Variants in AHDC1 observed in about 807,000 individuals in gnomAD.
The protein encoded by AHDC1 is transcription factor Gibbin.
In AHDC1, 7 loss-of-function variants were observed where a neutral mutation model predicts 87.9. That is an observed-to-expected ratio of 0.08 (90% confidence interval 0.05 to 0.15). The LOEUF (loss-of-function observed/expected upper bound fraction) is 0.15, where lower values mean the gene tolerates loss of function less well. Ranked by LOEUF, AHDC1 falls within the 10% of genes least tolerant of loss-of-function variation. The pLI, the probability that AHDC1 is intolerant of heterozygous loss-of-function variation, is 1.00. For synonymous variants in AHDC1, 1,051 were observed against 1,006.8 expected (o/e 1.04, Z -0.83); for missense variants, 1,841 against 2,253.2 (o/e 0.82, Z 3.70).
In AHDC1 at chr1:27,548,953, G is replaced by A. The variant is rs1230993429; in HGVS notation, c.3163C>T (p.Arg1055Cys). ...ACTGTGCTGGCCCGGCTGTCACAGC[G>A]CAGGGGCGTGGGGGCTGAACCAGAG... is the stretch of plus-strand genomic sequence containing the variant. ...PFSGSAPTPLRCDSRASTVSP... is the reference protein window; with the variant it reads ...PFSGSAPTPLCCDSRASTVSP... Residue 1055 changes from arginine to cysteine, a missense_variant, in exon 8 of 9, where the codon CGC (arginine) becomes TGC (cysteine). By Grantham distance (180) the Arg-to-Cys change is radical (BLOSUM62 -3). Coordinates refer to ENST00000673934, the MANE Select transcript of AHDC1 (RefSeq NM_001371928.1). 12 of 1,578,696 alleles carry A rather than the reference G, an allele frequency of 7.6e-6. No individual in the cohort carries two copies. The highest frequency in any genetic ancestry group is 5.4e-5 in the Admixed American group (3 of 55,336).
chr1:27,559,651 G>A (rs924543531), intron 3 of AHDC1, among the ~76,000 whole-genome samples: 59 of 152,246 alleles, frequency 3.9e-4, no homozygotes, highest in South Asian at 2.1e-4. Flanking sequence ...GAGAGGTGCT[G>A]TTCAGAGTGA....
intron 3 of AHDC1, among the ~76,000 whole-genome samples, chr1:27,567,318 G>A (rs535547562): frequency 2.0e-5 from 3 of 152,142 alleles, no homozygotes; most frequent in East Asian, 1.9e-4. Context: ...AGCGCGGGGC[G>A]CCCGCTCCTC....
chr1:27,584,968 T>G (rs563873125), intron 3 of AHDC1, among the ~76,000 whole-genome samples: 1 of 151,606 alleles, frequency 6.6e-6, no homozygotes, highest in Non-Finnish European at 1.5e-5. Context: ...AGGTCAGGAG[T>G]TCGAGACCAG....
At position 27,578,720 on chromosome 1, in the gene AHDC1, G is replaced by A. The variant is rs1196661337; in HGVS notation, c.-628-19837C>T. Among the ~76,000 whole-genome samples the A allele has an allele frequency of 6.8e-5, 10 of 148,014 alleles. No individual in the cohort carries two copies. The East Asian group carries it at 7.8e-4, about 12-fold the overall frequency. ...GGCTTCTCTTTTTTTTTTTTGACACGGAGTCTTACACTGTCGCACAGGCTG... is the reference window on the plus strand; with the variant it reads ...GGCTTCTCTTTTTTTTTTTTGACACAGAGTCTTACACTGTCGCACAGGCTG... On this transcript the variant is annotated intron_variant, in intron 3 of 8. Coordinates refer to ENST00000673934, the MANE Select transcript of AHDC1 (RefSeq NM_001371928.1).
intron 3 of AHDC1, among the ~76,000 whole-genome samples, chr1:27,578,097 T>C (rs1318962270): frequency 6.6e-6 from 1 of 152,210 alleles, no homozygotes; most frequent in African/African-American, 2.4e-5. Flanking sequence ...AGCCTGTTTC[T>C]AAATCTGTGC....
At position 27,558,441 on chromosome 1, in the gene AHDC1, C is replaced by T. The variant is rs1270501497; in HGVS notation, c.-361G>A. ...TCATTGTCACAACCCCTTTCTCCTC[C>T]CAGTTCTCTCAGGTCATCAAGGCGC... On this transcript the variant is annotated 5_prime_UTR_variant, in exon 5 of 9. Coordinates refer to ENST00000673934, the MANE Select transcript of AHDC1 (RefSeq NM_001371928.1). This position sits in a 1 kb window ranked among gnomAD's most constrained non-coding sequence, Gnocchi z 5.6. 1 of 256,710 alleles carries T rather than the reference C, an allele frequency of 3.9e-6. No homozygotes were observed. Among genetic ancestry groups the T allele is most frequent in the African/African-American group, 2.2e-5 (1 of 45,292 alleles). The allele number at this position is 256,710 out of a possible 1,614,324, so 15.9% of individuals were successfully genotyped here.
Position 27,595,460 on chromosome 1 carries a change from G to GTGTGTGTGTGTGTGTGTGTGTGTGTGAT in AHDC1, c.-629+7936_-629+7937insATCACACACACACACACACACACACACA, listed in dbSNP as rs2089344091. On this transcript the variant is annotated intron_variant, in intron 3 of 8. Transcript: ENST00000673934. This position sits in a 1 kb window ranked among gnomAD's most constrained non-coding sequence, Gnocchi z 4.0. Reference sequence around the variant, plus strand: ...CTGAGGGTGTGATAGCTGTGTGTGTGTGTGTGTGTGATTGTGTGTGTGTTG... The same window carrying GTGTGTGTGTGTGTGTGTGTGTGTGTGAT: ...CTGAGGGTGTGATAGCTGTGTGTGTGTGTGTGTGTGTGTGTGTGTGTGTGTGATTGTGTGTGTGATTGTGTGTGTGTTG... Among the ~76,000 whole-genome samples the GTGTGTGTGTGTGTGTGTGTGTGTGTGAT allele has an allele frequency of 6.6e-6, 1 of 151,624 alleles. No homozygotes were observed. Among genetic ancestry groups the GTGTGTGTGTGTGTGTGTGTGTGTGTGAT allele is most frequent in the Non-Finnish European group, 1.5e-5 (1 of 67,908 alleles).
In AHDC1 at chr1:27,593,349, CCT is replaced by C. The variant is rs1303179739; in HGVS notation, c.-629+10046_-629+10047del. ...AAATTCCTCCAGCCCAACCTCTCTC[CCT>C]CTCTCCCTGCAGTGAATGCCCCAGA... On this transcript the variant is annotated intron_variant, in intron 3 of 8. Transcript: ENST00000673934. The surrounding 1 kb of genome is among the most constrained non-coding windows in gnomAD (Gnocchi z 4.9). 6.6e-6 allele frequency among the ~76,000 whole-genome samples: 1 copy of C among 152,230 alleles called. No homozygotes were observed. The highest frequency in any genetic ancestry group is 1.9e-4 in the East Asian group (1 of 5,204).
Position 27,563,262 on chromosome 1 carries a change from C to T in AHDC1, c.-628-4379G>A, listed in dbSNP as rs11581290. Among the ~76,000 whole-genome samples the T allele has an allele frequency of 0.18, 26,183 of 143,522 alleles. 1,874 individuals carry two copies. Among genetic ancestry groups the T allele is most frequent in the Non-Finnish European group, 0.27 (17,089 of 62,794 alleles). 94.2% of individuals were successfully genotyped at this position (143,522 alleles called of 152,430 possible). On this transcript the variant is annotated intron_variant, in intron 3 of 8. Coordinates refer to ENST00000673934, the MANE Select transcript of AHDC1 (RefSeq NM_001371928.1). This position sits in a 1 kb window ranked among gnomAD's most constrained non-coding sequence, Gnocchi z 6.1. ...ACACACGCACGCATGCATGCACACA[C>T]CCACACAAAGAACCTGTCACATAGT... is the stretch of plus-strand genomic sequence containing the variant.
chr1:27,541,286 G>C (rs1055387502), intron 8 of AHDC1, among the ~76,000 whole-genome samples: 1 of 152,160 alleles, frequency 6.6e-6, no homozygotes, highest in Non-Finnish European at 1.5e-5. Context: ...CCCTGTTCTA[G>C]AGAGTGATGC....
At chr1:27,575,480 G>C (rs2088695183) in intron 3 of AHDC1, among the ~76,000 whole-genome samples, 1 of 151,244 alleles carries the variant, frequency 6.6e-6, no homozygotes, top group South Asian at 2.1e-4. Context: ...CACCACCCTC[G>C]CCGCGGAGGC....
Position 27,550,188 on chromosome 1 carries a change from G to A in AHDC1, c.1928C>T (p.Pro643Leu). 1.9e-6 allele frequency: 3 copies of A among 1,612,438 alleles called. No individual in the cohort carries two copies. The highest frequency in any genetic ancestry group is 2.5e-6 in the Non-Finnish European group (3 of 1,179,790). Reference protein sequence around the residue: ...SPPRCWTPSEPESVHQAPDTQ... With the variant: ...SPPRCWTPSELESVHQAPDTQ... ...GTCGGGGGCCTGGTGCACCGACTCC[G>A]GCTCACTGGGTGTCCAGCAGCGGGG... The change falls in exon 8 of 9, where the codon CCG becomes CTG. Residue 643 changes from proline to leucine, a missense_variant. By Grantham distance (98) the Pro-to-Leu change is moderately conservative. Coordinates refer to ENST00000673934, the MANE Select transcript of AHDC1 (RefSeq NM_001371928.1).
intron 3 of AHDC1, among the ~76,000 whole-genome samples, chr1:27,575,937 C>T (rs954952001): frequency 3.2e-4 from 49 of 151,786 alleles, no homozygotes; most frequent in African/African-American, 1.0e-3. Flanking sequence ...AGGGCCGTCG[C>T]GATCCGGGTC....
rs770191620 is a variant in AHDC1 at position 27,548,252 on chromosome 1, G to A, written c.3864C>T (p.Gly1288=). The A allele has an allele frequency of 1.1e-5, 18 of 1,611,782 alleles. No homozygotes were observed. Among genetic ancestry groups the A allele is most frequent in the African/African-American group, 2.7e-5 (2 of 74,922 alleles). Residue 1288 remains glycine, a synonymous_variant, in exon 8 of 9, where the codon GGC becomes GGT. Transcript: ENST00000673934. The stretch of plus-strand genomic sequence containing the variant: ...GGATGAACTTGGCTTTGGCCGCTGC[G>A]CCACCCCGCTCCTTCTTGGCTGAGC... ...GACSAKKERG[G]AAAKAKFIPK...
rs1476201186 is a variant in AHDC1 at position 27,598,720 on chromosome 1, T to G, written c.-629+4677A>C. Among the ~76,000 whole-genome samples the G allele has an allele frequency of 1.3e-5, 2 of 152,162 alleles. No individual in the cohort carries two copies. Among genetic ancestry groups the G allele is most frequent in the African/African-American group, 4.8e-5 (2 of 41,422 alleles). On this transcript the variant is annotated intron_variant, in intron 3 of 8. Transcript: ENST00000673934. This position sits in a 1 kb window ranked among gnomAD's most constrained non-coding sequence, Gnocchi z 4.2. ...GTGGAGGCTGGTTTTGGCCATGTAG[T>G]GACCCTGGCCCTGTCTAGGCACTGG...
intron 3 of AHDC1, among the ~76,000 whole-genome samples, chr1:27,572,145 G>A (rs1282011752): frequency 4.6e-5 from 7 of 152,176 alleles, no homozygotes; most frequent in African/African-American, 1.7e-4. Flanking sequence ...TCCAGACGGG[G>A]TGGAATTGGT....
chr1:27,599,162 C>T (rs2089460696), intron 3 of AHDC1, among the ~76,000 whole-genome samples: 1 of 152,160 alleles, frequency 6.6e-6, no homozygotes, highest in Non-Finnish European at 1.5e-5. Flanking sequence ...TGGCTACACC[C>T]TCCACACAGC....
rs752485393 is a variant in AHDC1 at position 27,548,073 on chromosome 1, G to C, written c.4043C>G (p.Ser1348Cys). Residue 1348 changes from serine (S) to cysteine (C), a missense_variant, in exon 8 of 9, where the codon TCC becomes TGC. By Grantham distance (112) the Ser-to-Cys change is moderately radical. Around this residue, in one of 13 missense-constraint regions of AHDC1, gnomAD observed 505 missense variants for 626.2 expected, o/e 0.81. Coordinates refer to ENST00000673934, the MANE Select transcript of AHDC1 (RefSeq NM_001371928.1). ...RDPCDFIGPY[S>C]MNPSTPSDGT... is the part of the protein sequence containing the mutation. ...ATCGGAAGGCGTGGACGGGTTCATG[G>C]AGTAGGGTCCTATGAAGTCACAGGG... The C allele has an allele frequency of 1.9e-6, 3 of 1,613,848 alleles. No individual in the cohort carries two copies. The highest frequency in any genetic ancestry group is 2.5e-6 in the Non-Finnish European group (3 of 1,180,040).
intron 3 of AHDC1, among the ~76,000 whole-genome samples, chr1:27,564,801 C>G (rs1247007479): frequency 6.6e-6 from 1 of 152,166 alleles, no homozygotes; most frequent in African/African-American, 2.4e-5. Context: ...AGGAGTGGCT[C>G]TAAGGGGAGG....
Sources: gnomAD v4.1 joint callset for allele counts (sites outside exome capture counted in the v4.1 genomes callset) on GRCh38, gnomAD v4.1.1 for gene constraint, gnomAD v4.1.1 regional missense constraint, Gnocchi (gnomAD v3.1) non-coding constraint, MANE v1.5 for transcripts, NCBI Gene and HGNC (gene_info 2026-07-23, HGNC 2026-07-21) for gene names.